The following MGMT variants were observed in gnomAD, a reference collection of about 807,000 sequenced individuals.
MGMT encodes O-6-methylguanine-DNA methyltransferase, also known as methylated-DNA--protein-cysteine methyltransferase.
MGMT carries 14 observed loss-of-function variants against 15.9 expected under a neutral mutation model. The ratio of observed to expected loss-of-function variants is 0.88; its 90% CI spans 0.58 to 1.37. MGMT has a LOEUF of 1.37. MGMT is among the 40% of genes most tolerant of loss of function. The pLI, the probability that MGMT is intolerant of heterozygous loss-of-function variation, is 0.00. For missense variants in MGMT, 282 were observed against 268.1 expected (o/e 1.05, Z -0.36); for synonymous variants, 130 against 118.2 (o/e 1.10, Z -0.65).
At chr10:129,634,414 C>G (rs975074650) in intron 2 of MGMT, among the ~76,000 whole-genome samples, 4 of 152,128 alleles carry the variant, frequency 2.6e-5, no homozygotes, top group Non-Finnish European at 5.9e-5. Context: ...TTGGCTATTT[C>G]TTCAAATATA....
At chr10:129,649,931 AT>A (rs1310515560) in intron 2 of MGMT, among the ~76,000 whole-genome samples, 1 of 151,936 alleles carries the variant, frequency 6.6e-6, no homozygotes, top group South Asian at 2.1e-4. Flanking sequence ...TTCTGCCTGT[AT>A]TTTTTTTCTT....
intron 1 of MGMT, among the ~76,000 whole-genome samples, chr10:129,507,771 G>C (rs1845640837): frequency 6.6e-6 from 1 of 152,196 alleles, no homozygotes; most frequent in Non-Finnish European, 1.5e-5. Flanking sequence ...GTTTGCCAGG[G>C]TTTTGATTGT....
At chr10:129,626,501 C>G (rs562567525) in intron 2 of MGMT, among the ~76,000 whole-genome samples, 1 of 152,138 alleles carries the variant, frequency 6.6e-6, no homozygotes, top group South Asian at 2.1e-4. Context: ...GGCTCCAGCC[C>G]GAGCCCCGCG....
chr10:129,525,215 C>T (rs574641265), intron 1 of MGMT, among the ~76,000 whole-genome samples: 7 of 152,298 alleles, frequency 4.6e-5, no homozygotes, highest in Non-Finnish European at 8.8e-5. Flanking sequence ...AGCTTCAGAA[C>T]AGCGTTTATC....
intron 3 of MGMT, chr10:129,715,705 G>A (rs1848286484): frequency 6.6e-6 from 1 of 152,182 alleles, no homozygotes; most frequent in African/African-American, 2.4e-5. Flanking sequence ...CGTGTGCATA[G>A]AATTGGACTA....
intron 4 of MGMT, among the ~76,000 whole-genome samples, chr10:129,759,723 G>A (rs1848850361): frequency 1.7e-5 from 2 of 119,734 alleles, no homozygotes; most frequent in Admixed American, 9.8e-5. Flanking sequence ...GAGTACAGCA[G>A]CTAACAGACA....
chr10:129,531,581 G>A (rs372144791), intron 1 of MGMT, among the ~76,000 whole-genome samples: 7 of 152,168 alleles, frequency 4.6e-5, no homozygotes, highest in African/African-American at 1.7e-4. Context: ...CGGTGGCCTG[G>A]GGCTTCTGTC....
chr10:129,763,761 A>G (rs534443482), intron 4 of MGMT, among the ~76,000 whole-genome samples: 1 of 152,340 alleles, frequency 6.6e-6, no homozygotes, highest in East Asian at 1.9e-4. Flanking sequence ...GGACTGTTGT[A>G]TTTGATAAAA....
chr10:129,504,445 C>T (rs922242538), intron 1 of MGMT, among the ~76,000 whole-genome samples: 1 of 152,130 alleles, frequency 6.6e-6, no homozygotes, highest in Non-Finnish European at 1.5e-5. Flanking sequence ...AAACAGAATT[C>T]TAGTTTAGGG....
At chr10:129,652,970 G>A (rs1298226141) in intron 2 of MGMT, among the ~76,000 whole-genome samples, 3 of 152,212 alleles carry the variant, frequency 2.0e-5, no homozygotes, top group Non-Finnish European at 2.9e-5. Context: ...GTGGGCTGAG[G>A]GTGCCAGCAG....
intron 2 of MGMT, among the ~76,000 whole-genome samples, chr10:129,580,430 T>G (rs368550657): frequency 6.6e-6 from 1 of 152,278 alleles, no homozygotes; most frequent in South Asian, 2.1e-4. Flanking sequence ...CACACAGCTC[T>G]TCAGAGGGGG....
At chr10:129,765,970 A>G (rs779117012) in intron 4 of MGMT, among the ~76,000 whole-genome samples, 14 of 152,148 alleles carry the variant, frequency 9.2e-5, no homozygotes, top group Non-Finnish European at 1.3e-4. Flanking sequence ...ACGCCAAAGG[A>G]CCAAAGCAGA....
At position 129,651,227 on chromosome 10, in the gene MGMT, T is replaced by C. The variant is rs576427049; in HGVS notation, c.126-56668T>C. 4.6e-5 allele frequency among the ~76,000 whole-genome samples: 7 copies of C among 152,304 alleles called. 1 individual carries two copies. Among genetic ancestry groups the C allele is most frequent in the African/African-American group, 1.7e-4 (7 of 41,578 alleles). On this transcript the variant is annotated intron_variant, in intron 2 of 4. Transcript: ENST00000651593. Reference sequence around the variant, plus strand: ...CCTGCCCCGTAGCTCAGGTCCCGTCTTGGCCTCAGCCTTCCCTTAGGTGCT... The same window carrying C: ...CCTGCCCCGTAGCTCAGGTCCCGTCCTGGCCTCAGCCTTCCCTTAGGTGCT...
chr10:129,739,116 A>C (rs929075206), intron 3 of MGMT, among the ~76,000 whole-genome samples: 4 of 152,366 alleles, frequency 2.6e-5, no homozygotes, highest in Admixed American at 6.5e-5. Context: ...GCTTCATGCT[A>C]AAAACTCTCA....
intron 3 of MGMT, among the ~76,000 whole-genome samples, chr10:129,739,093 A>G (rs1044388171): frequency 6.6e-6 from 1 of 152,236 alleles, no homozygotes; most frequent in African/African-American, 2.4e-5. Context: ...GGCCTTCAAC[A>G]AAATTCAGCA....
intron 3 of MGMT, among the ~76,000 whole-genome samples, chr10:129,721,329 A>G (rs558163147): frequency 3.3e-5 from 5 of 152,390 alleles, no homozygotes; most frequent in African/African-American, 4.8e-5. Context: ...AGAGGGAACT[A>G]TACAGAGAAA....
rs142877960 is a variant in MGMT at position 129,676,935 on chromosome 10, G to A, written c.126-30960G>A. 5.4e-3 allele frequency among the ~76,000 whole-genome samples: 827 copies of A among 152,224 alleles called. 8 individuals are homozygous for A. Among genetic ancestry groups the A allele is most frequent in the African/African-American group, 0.019 (770 of 41,550 alleles). On this transcript the variant is annotated intron_variant, in intron 2 of 4. Transcript: ENST00000651593. Reference sequence around the variant, plus strand: ...CATTGAAAAAGCAGAGTTATTAATTGGAGTCCTCAAGGTCCTTATTTCAGT... The same window carrying A: ...CATTGAAAAAGCAGAGTTATTAATTAGAGTCCTCAAGGTCCTTATTTCAGT...
intron 3 of MGMT, among the ~76,000 whole-genome samples, chr10:129,742,135 G>A (rs527908278): frequency 3.3e-5 from 5 of 152,308 alleles, no homozygotes; most frequent in Admixed American, 1.3e-4. Context: ...TCGTTGGCTC[G>A]AGCGCTGAGC....
At chr10:129,576,651 C>G (rs1282017331) in intron 2 of MGMT, among the ~76,000 whole-genome samples, 2 of 152,192 alleles carry the variant, frequency 1.3e-5, no homozygotes, top group Non-Finnish European at 2.9e-5. Flanking sequence ...TCTTTCACCA[C>G]TCCTATTCAA....
Sources: gnomAD v4.1 joint callset for allele counts (sites outside exome capture counted in the v4.1 genomes callset) on GRCh38, gnomAD v4.1.1 for gene constraint, MANE v1.5 for transcripts, NCBI Gene and HGNC (gene_info 2026-07-23, HGNC 2026-07-21) for gene names.